PPFIA2: variants seen among roughly 807,000 people sequenced by gnomAD.
The protein encoded by PPFIA2 is PPFI scaffold protein A2, also known as liprin-alpha-2.
A neutral mutation model predicts 175.5 loss-of-function variants in PPFIA2; 46 were observed. The observed-to-expected ratio is 0.26, with a 90% CI of 0.21 to 0.34. The LOEUF (loss-of-function observed/expected upper bound fraction) is 0.34. PPFIA2 is among the 10% of genes least tolerant of loss of function. The pLI, the probability that PPFIA2 is intolerant of heterozygous loss-of-function variation, is 1.00. For missense variants in PPFIA2, 1,179 were observed against 1,506.1 expected, an observed-to-expected ratio of 0.78 and a Z score of 3.60; for synonymous variants, 568 against 511.4, an observed-to-expected ratio of 1.11 and a Z score of -1.49.
intron 21 of PPFIA2, among the ~76,000 whole-genome samples, chr12:81,335,037 C>T (rs533962230): frequency 4.6e-5 from 7 of 152,194 alleles, no homozygotes; most frequent in South Asian, 2.1e-4. Context: ...CTATTTCTAG[C>T]GTTTCAGTAG....
At chr12:81,525,574 T>C (rs2063639754) in intron 4 of PPFIA2, among the ~76,000 whole-genome samples, 1 of 152,092 alleles carries the variant, frequency 6.6e-6, no homozygotes, top group Non-Finnish European at 1.5e-5. Context: ...GAGCTCCAGT[T>C]GAGGACTCAA....
chr12:81,560,834 A>T (rs1331098708), intron 4 of PPFIA2, among the ~76,000 whole-genome samples: 2 of 152,300 alleles, frequency 1.3e-5, no homozygotes, highest in East Asian at 1.9e-4. Flanking sequence ...TGAACATACA[A>T]GCTTAAATTT....
chr12:81,266,809 A>C, intron 30 of PPFIA2, 143 bp downstream of exon 30: 1 of 667,812 alleles, frequency 1.5e-6, no homozygotes, highest in Non-Finnish European at 2.6e-6. Flanking sequence ...TGAATATTTA[A>C]CAACAAACCT....
intron 4 of PPFIA2, among the ~76,000 whole-genome samples, chr12:81,514,660 T>C (rs2062187062): frequency 1.3e-5 from 2 of 151,946 alleles, no homozygotes; most frequent in South Asian, 4.1e-4. Flanking sequence ...ATCATGCAAT[T>C]CTGATACAAC....
rs540107085 is a variant in PPFIA2, at chr12:81,558,959, A to G, written c.304-101093T>C. On this transcript the variant is annotated intron_variant, in intron 4 of 32. Coordinates refer to ENST00000549396, the MANE Select transcript of PPFIA2 (RefSeq NM_003625.5). ...TAGAACAAGTATAATACTTATTCTG[A>G]TAAGTTCTTGAATTACAATATATGG... Among the ~76,000 whole-genome samples the G allele has an allele frequency of 1.7e-4, 26 of 152,328 alleles. 1 individual carries two copies. The South Asian group carries it at 5.4e-3, about 32-fold the overall frequency.
At chr12:81,411,414 CT>C (rs1324766153) in intron 7 of PPFIA2, among the ~76,000 whole-genome samples, 2 of 151,982 alleles carry the variant, frequency 1.3e-5, no homozygotes. Context: ...TGATCCATTC[CT>C]TCTAGGCACT....
intron 3 of PPFIA2, among the ~76,000 whole-genome samples, chr12:81,749,995 C>G (rs2083540826): frequency 7.0e-6 from 1 of 143,864 alleles, no homozygotes; most frequent in African/African-American, 2.4e-5. Flanking sequence ...TGCTCCTTTT[C>G]TCAAGGAGCT....
At chr12:81,450,357 T>C (rs879811288) in intron 5 of PPFIA2, among the ~76,000 whole-genome samples, 11 of 152,346 alleles carry the variant, frequency 7.2e-5, no homozygotes, top group East Asian at 1.9e-4. Context: ...TGGTATCTCA[T>C]TGTGGTTTTG....
intron 7 of PPFIA2, among the ~76,000 whole-genome samples, chr12:81,409,697 T>G (rs1048675598): frequency 1.3e-5 from 2 of 152,132 alleles, no homozygotes; most frequent in African/African-American, 4.8e-5. Flanking sequence ...CAAAACAGAC[T>G]AAGACACTAC....
At chr12:81,346,917 T>A (rs889417974) in intron 18 of PPFIA2, among the ~76,000 whole-genome samples, 21 of 151,480 alleles carry the variant, frequency 1.4e-4, no homozygotes, top group Admixed American at 2.6e-4. Context: ...ATTCAATTTT[T>A]AAAAAAAAAT....
At chr12:81,579,322 C>G (rs1229568635) in intron 4 of PPFIA2, among the ~76,000 whole-genome samples, 4 of 151,720 alleles carry the variant, frequency 2.6e-5, no homozygotes, top group South Asian at 2.1e-4. Context: ...TAATCAAGCT[C>G]TAATTTGAAA....
chr12:81,528,601 A>G (rs1194658198), intron 4 of PPFIA2, among the ~76,000 whole-genome samples: 1 of 152,132 alleles, frequency 6.6e-6, no homozygotes, highest in Non-Finnish European at 1.5e-5. Flanking sequence ...TGACCACAAA[A>G]TATAATTTAA....
intron 4 of PPFIA2, among the ~76,000 whole-genome samples, chr12:81,656,372 C>T (rs1361075311): frequency 2.6e-5 from 4 of 151,992 alleles, no homozygotes; most frequent in Non-Finnish European, 5.9e-5. Flanking sequence ...AATTCTTGAC[C>T]TGTTAGAGAA....
chr12:81,705,541 A>G (rs2077033826), intron 3 of PPFIA2, among the ~76,000 whole-genome samples: 1 of 152,116 alleles, frequency 6.6e-6, no homozygotes, highest in African/African-American at 2.4e-5. Context: ...TGGAGGGAGA[A>G]GGAAGGAAGA....
intron 11 of PPFIA2, 87 bp from the exon 12 acceptor site, chr12:81,369,281 A>G (rs777036312): frequency 5.8e-6 from 9 of 1,546,370 alleles, no homozygotes; most frequent in Non-Finnish European, 7.0e-6. Context: ...ATGTAAAGCA[A>G]GCTACTACCA....
At chr12:81,615,815 A>G (rs1476234378) in intron 4 of PPFIA2, among the ~76,000 whole-genome samples, 2 of 152,168 alleles carry the variant, frequency 1.3e-5, no homozygotes, top group Non-Finnish European at 2.9e-5. Context: ...GCCCCTGGCA[A>G]AGAAAGGAGG....
intron 30 of PPFIA2, among the ~76,000 whole-genome samples, chr12:81,265,207 C>T (rs539217916): frequency 1.4e-5 from 2 of 145,486 alleles, no homozygotes; most frequent in Admixed American, 7.1e-5. Context: ...GTGGGAGAAT[C>T]GCTGGAACCC....
intron 4 of PPFIA2, among the ~76,000 whole-genome samples, chr12:81,514,643 T>G (rs2062185170): frequency 6.6e-6 from 1 of 151,956 alleles, no homozygotes; most frequent in Non-Finnish European, 1.5e-5. Flanking sequence ...AAATTTGGTA[T>G]GCTTAAATCA....
intron 3 of PPFIA2, among the ~76,000 whole-genome samples, chr12:81,694,572 C>T (rs1044976879): frequency 6.6e-6 from 1 of 152,192 alleles, no homozygotes; most frequent in African/African-American, 2.4e-5. Flanking sequence ...TGAATAGCCT[C>T]AGTGCCCAGG....
Sources: gnomAD v4.1 joint callset for allele counts (sites outside exome capture counted in the v4.1 genomes callset) on GRCh38, gnomAD v4.1.1 for gene constraint, MANE v1.5 for transcripts, NCBI Gene and HGNC (gene_info 2026-07-23, HGNC 2026-07-21) for gene names.